Variants in GANC observed in about 807,000 individuals in gnomAD.
GANC encodes the protein glucosidase alpha, neutral C, also known as neutral alpha-glucosidase C.
A neutral mutation model predicts 124.2 loss-of-function variants in GANC; 117 were observed. The observed-to-expected ratio is 0.94, with a 90% CI of 0.81 to 1.10. GANC has a LOEUF of 1.10. Among genes scored for constraint, GANC ranks in the 50% least tolerant of loss-of-function variants. The pLI, the probability that GANC is intolerant of heterozygous loss-of-function variation, is 0.00. For synonymous variants in GANC, 377 were observed against 376.8 expected, an observed-to-expected ratio of 1.00 and a Z score of -0.01; for missense variants, 1,140 against 1,095.0, an observed-to-expected ratio of 1.04 and a Z score of -0.58.
At chr15:42,350,536 G>C (rs898513840) in intron 22 of GANC, among the ~76,000 whole-genome samples, 2 of 149,402 alleles carry the variant, frequency 1.3e-5, no homozygotes, top group African/African-American at 2.5e-5. Context: ...GCTGTTCCTT[G>C]GTACACAGAG....
intron 11 of GANC, among the ~76,000 whole-genome samples, chr15:42,324,835 G>T (rs935297635): frequency 2.0e-5 from 3 of 152,082 alleles, no homozygotes; most frequent in African/African-American, 7.2e-5. Flanking sequence ...GAGTATAAAG[G>T]TTTAGTTTTG....
At chr15:42,279,299 C>T (rs182199757) in intron 3 of GANC, among the ~76,000 whole-genome samples, 2 of 152,184 alleles carry the variant, frequency 1.3e-5, no homozygotes, top group Non-Finnish European at 2.9e-5. Context: ...CTTTCTAACA[C>T]TGTTACACAA....
At chr15:42,333,942 C>T (rs919860282) in intron 15 of GANC, among the ~76,000 whole-genome samples, 33 of 152,098 alleles carry the variant, frequency 2.2e-4, no homozygotes, top group Non-Finnish European at 1.5e-5. Context: ...GTATCCAACA[C>T]ATATGTGATC....
At chr15:42,277,115 T>C (rs902917962) in intron 2 of GANC, among the ~76,000 whole-genome samples, 1 of 152,246 alleles carries the variant, frequency 6.6e-6, no homozygotes, top group Non-Finnish European at 1.5e-5. Context: ...CAGGTGTATT[T>C]ATAGGATACC....
chr15:42,341,733 T>C (rs1390900527), intron 18 of GANC, among the ~76,000 whole-genome samples: 1 of 152,170 alleles, frequency 6.6e-6, no homozygotes, highest in Middle Eastern at 3.2e-3. Flanking sequence ...TGGCTAATTT[T>C]TTCTATTTTT....
chr15:42,342,904 C>G (rs923539743), intron 18 of GANC, among the ~76,000 whole-genome samples, 174 bp from the exon 19 acceptor site: 1 of 150,490 alleles, frequency 6.6e-6, no homozygotes, highest in African/African-American at 2.4e-5. Context: ...CGCCTGCCCT[C>G]TTTCTATCAG....
chr15:42,283,532 A>G lies in GANC; in HGVS notation c.202-4159A>G, dbSNP rs1363620261. The G allele has an allele frequency of 2.0e-5, 13 of 643,862 alleles. No homozygotes were observed. The East Asian group carries it at 3.3e-4, about 16-fold the overall frequency. The allele number at this position is 643,862 out of a possible 1,614,324, so 39.9% of individuals were successfully genotyped here. On this transcript the variant is annotated intron_variant, in intron 3 of 23. Transcript: ENST00000318010. ...ATTGCTAGCAAGGATGTCTGGAGCA[A>G]TCTACTTTATATTGCTAATTATGAT...
chr15:42,283,986 T>A, intron 3 of GANC: 6 of 702,528 alleles, frequency 8.5e-6, no homozygotes, highest in Non-Finnish European at 1.6e-5. Context: ...ACAATTAGTG[T>A]CCTACAGCAA....
In GANC at chr15:42,296,863, T is replaced by C. The variant is rs1190333460; in HGVS notation, c.513-748T>C. 4.0e-5 allele frequency among the ~76,000 whole-genome samples: 6 copies of C among 151,562 alleles called. No individual in the cohort carries two copies. In the East Asian group the frequency reaches 1.2e-3, roughly 29 times the overall value. On this transcript the variant is annotated intron_variant, in intron 5 of 23. Transcript: ENST00000318010. Reference sequence around the variant, plus strand: ...TTTTTCTTTTTCCTTTTTTTTTTTTTTTGGAAGATATGGTCTCACTATGTT... The same window carrying C: ...TTTTTCTTTTTCCTTTTTTTTTTTTCTTGGAAGATATGGTCTCACTATGTT...
chr15:42,283,134 A>G (rs1327002614), intron 3 of GANC, among the ~76,000 whole-genome samples: 2 of 152,238 alleles, frequency 1.3e-5, no homozygotes, highest in African/African-American at 2.4e-5. Context: ...TCCAGGACAT[A>G]GATCTGTTCC....
intron 3 of GANC, chr15:42,281,041 C>T: frequency 1.4e-6 from 1 of 702,474 alleles, no homozygotes. Flanking sequence ...GCTGAGGAGC[C>T]TGATAAACAA....
At chr15:42,294,906 AC>A (rs2051875910) in intron 5 of GANC, among the ~76,000 whole-genome samples, 1 of 151,194 alleles carries the variant, frequency 6.6e-6, no homozygotes, top group African/African-American at 2.5e-5. Context: ...GTGCATATAT[AC>A]AAGTATATTT....
intron 3 of GANC, among the ~76,000 whole-genome samples, chr15:42,280,203 A>G (rs1392877018): frequency 6.6e-6 from 1 of 152,118 alleles, no homozygotes; most frequent in Admixed American, 6.5e-5. Context: ...TCCAAAATCT[A>G]GTACTGATTC....
intron 6 of GANC, among the ~76,000 whole-genome samples, chr15:42,299,815 C>G (rs140241443): frequency 6.6e-6 from 1 of 152,270 alleles, no homozygotes; most frequent in East Asian, 1.9e-4. Flanking sequence ...CACCACACAT[C>G]TACAACCATC....
chr15:42,283,620 A>G (rs2051755550), intron 3 of GANC: 2 of 701,618 alleles, frequency 2.9e-6, no homozygotes, highest in Non-Finnish European at 5.2e-6. Context: ...GCCTGTTTGC[A>G]AGGTTTCACC....
chr15:42,314,300 C>G (rs1347134172), intron 10 of GANC: 1 of 613,300 alleles, frequency 1.6e-6, no homozygotes. Flanking sequence ...AGCAGAATTT[C>G]CAAAGGGTTT....
At chr15:42,284,109 T>G (rs1247805014) in intron 3 of GANC, 2 of 638,928 alleles carry the variant, frequency 3.1e-6, no homozygotes, top group Non-Finnish European at 5.7e-6. Context: ...TACATAACAG[T>G]GAAGAGTCCT....
chr15:42,341,431 T>C (rs2052328654), intron 18 of GANC, among the ~76,000 whole-genome samples: 1 of 152,214 alleles, frequency 6.6e-6, no homozygotes, highest in African/African-American at 2.4e-5. Context: ...ATAGGGTTTT[T>C]CTTTGGTTGA....
rs2051998598 is a variant in GANC at position 42,306,597 on chromosome 15, G to A, written c.610G>A (p.Asp204Asn). ...GGAAGAGAAATTTGGAAAATTTGTGGATATCAAAGCTAATGGTAAAATTGA... is the reference window on the plus strand; with the variant it reads ...GGAAGAGAAATTTGGAAAATTTGTGAATATCAAAGCTAATGGTAAAATTGA... ...LWEEKFGKFV[D>N]IKANGPSSIG... The change falls in exon 7 of 24, where the codon GAT (aspartate) becomes AAT (asparagine). Residue 204 changes from aspartate to asparagine, a missense_variant. Transcript: ENST00000318010. 6.2e-7 allele frequency: 1 copy of A among 1,610,834 alleles called. No homozygotes were observed. The highest frequency in any genetic ancestry group is 8.5e-7 in the Non-Finnish European group (1 of 1,177,300).
Sources: gnomAD v4.1 joint callset for allele counts (sites outside exome capture counted in the v4.1 genomes callset) on GRCh38, gnomAD v4.1.1 for gene constraint, MANE v1.5 for transcripts, NCBI Gene and HGNC (gene_info 2026-07-23, HGNC 2026-07-21) for gene names.